The following CTNNA3 variants were observed in gnomAD, a reference collection of about 807,000 sequenced individuals.
CTNNA3 encodes the protein catenin alpha-3.
Under a neutral mutation model 95.7 loss-of-function variants are expected in CTNNA3, and 76 were observed. That is an observed-to-expected ratio of 0.79 (90% CI 0.66 to 0.96). The LOEUF (loss-of-function observed/expected upper bound fraction) is 0.96, where lower values mean the gene tolerates loss of function less well. Ranked by LOEUF, CTNNA3 falls within the 40% of genes least tolerant of loss-of-function variation. CTNNA3 has a pLI of 0.00. For synonymous variants in CTNNA3, 431 were observed against 374.4 expected (o/e 1.15, Z -1.74); for missense variants, 1,191 against 1,089.8 (o/e 1.09, Z -1.31).
chr10:67,691,566 C>T (rs188630402), intron 1 of CTNNA3, among the ~76,000 whole-genome samples: 6,395 of 150,774 alleles, frequency 0.042, 441 homozygotes, highest in African/African-American at 0.15. Flanking sequence ...ATGTGAGGAG[C>T]GTCTCTGCCC....
chr10:67,449,185 CA>C (rs1344892435), intron 5 of CTNNA3, among the ~76,000 whole-genome samples: 1 of 151,884 alleles, frequency 6.6e-6, no homozygotes, highest in Non-Finnish European at 1.5e-5. Flanking sequence ...TGTGAGAAAA[CA>C]GAAACAAATG....
rs2135732 is a variant in CTNNA3 at position 66,325,219 on chromosome 10, A to T, written c.1733-44598T>A. On this transcript the variant is annotated intron_variant, in intron 12 of 17. Coordinates refer to ENST00000433211, the MANE Select transcript of CTNNA3 (RefSeq NM_013266.4). The stretch of plus-strand genomic sequence containing the variant: ...GTAGTCCCTCAGCTACATGCTTATC[A>T]GTTTTTGTTTAGTATTGACTGTTTT... 4.5e-3 allele frequency among the ~76,000 whole-genome samples: 678 copies of T among 152,084 alleles called. 4 individuals carry two copies. Among genetic ancestry groups the T allele is most frequent in the African/African-American group, 0.015 (635 of 41,508 alleles).
intron 5 of CTNNA3, 122 bp from the exon 6 acceptor site, chr10:67,219,992 T>G (rs1864578104): frequency 6.7e-6 from 5 of 749,646 alleles, no homozygotes; most frequent in Non-Finnish European, 1.1e-5. Flanking sequence ...AAGTCAGCTA[T>G]AAGTTATAAT....
At chr10:66,523,327 T>C (rs1409592437) in intron 10 of CTNNA3, among the ~76,000 whole-genome samples, 1 of 152,212 alleles carries the variant, frequency 6.6e-6, no homozygotes, top group African/African-American at 2.4e-5. Context: ...GGCTACATTT[T>C]ATAAGAATAT....
chr10:66,191,270 G>C (rs995461959), intron 13 of CTNNA3, among the ~76,000 whole-genome samples: 1 of 151,994 alleles, frequency 6.6e-6, no homozygotes, highest in African/African-American at 2.4e-5. Context: ...AGAAATAAGG[G>C]TCTCCAGGAA....
chr10:66,510,966 T>C (rs934124769), intron 11 of CTNNA3, among the ~76,000 whole-genome samples: 2 of 151,854 alleles, frequency 1.3e-5, no homozygotes, highest in Admixed American at 6.6e-5. Context: ...GAAAAAATGG[T>C]GTTAGTTATT....
intron 7 of CTNNA3, among the ~76,000 whole-genome samples, chr10:67,034,387 G>T (rs1853915072): frequency 6.6e-6 from 1 of 152,142 alleles, no homozygotes; most frequent in Admixed American, 6.5e-5. Context: ...AAAATGTTCT[G>T]GTTGCCCTCA....
At chr10:67,169,989 C>G (rs1429562508) in intron 7 of CTNNA3, among the ~76,000 whole-genome samples, 1 of 152,114 alleles carries the variant, frequency 6.6e-6, no homozygotes, top group African/African-American at 2.4e-5. Flanking sequence ...CAAAAGAAGA[C>G]ATAGATGTGG....
chr10:67,231,690 G>A (rs953481019), intron 5 of CTNNA3, among the ~76,000 whole-genome samples: 8 of 148,460 alleles, frequency 5.4e-5, no homozygotes, highest in African/African-American at 2.4e-5. Context: ...AGAGAAGAAG[G>A]CTTCAGACGA....
chr10:66,367,880 AATTATTATTATTATTATTATTATTATT>A (rs200238646), intron 12 of CTNNA3, among the ~76,000 whole-genome samples: 875 of 47,156 alleles, frequency 0.019, 6 homozygotes, highest in East Asian at 0.071. Context: ...TAATAATAAT[AATTATTATTATTATTATTATTATTATT>A]ATTATTATTA....
intron 7 of CTNNA3, among the ~76,000 whole-genome samples, chr10:67,101,339 G>A (rs1347947914): frequency 4.6e-5 from 7 of 151,612 alleles, no homozygotes; most frequent in Admixed American, 2.6e-4. Flanking sequence ...TGTTCAATTC[G>A]GAGCTAATTG....
chr10:67,245,189 C>T lies in CTNNA3; in HGVS notation c.580-25319G>A, dbSNP rs138963236. Among the ~76,000 whole-genome samples, 1,052 of 152,204 alleles carry T rather than the reference C, an allele frequency of 6.9e-3. 9 individuals are homozygous for T. The highest frequency in any genetic ancestry group is 0.019 in the African/African-American group (801 of 41,530). On this transcript the variant is annotated intron_variant, in intron 5 of 17. Coordinates refer to ENST00000433211, the MANE Select transcript of CTNNA3 (RefSeq NM_013266.4). The stretch of plus-strand genomic sequence containing the variant: ...CACATCCCTACATTAGGCCTTCCCA[C>T]GGCCGGCATGCTCTTCTAGATCCAT...
chr10:67,646,356 AGACG>A (rs1207504694), intron 2 of CTNNA3, among the ~76,000 whole-genome samples: 2 of 151,620 alleles, frequency 1.3e-5, no homozygotes, highest in Non-Finnish European at 1.5e-5. Context: ...TGAGTGGCTA[AGACG>A]GACTTTAATG....
intron 12 of CTNNA3, among the ~76,000 whole-genome samples, chr10:66,313,726 T>G (rs2092057844): frequency 6.6e-6 from 1 of 152,152 alleles, no homozygotes; most frequent in East Asian, 1.9e-4. Flanking sequence ...GCAATTGCCA[T>G]GACAATGACA....
intron 1 of CTNNA3, among the ~76,000 whole-genome samples, chr10:67,743,182 T>G (rs1490600749): frequency 1.3e-5 from 2 of 151,194 alleles, no homozygotes; most frequent in African/African-American, 2.4e-5. Context: ...TACCAAAGCC[T>G]GGCAGAGACA....
At chr10:67,597,987 A>G (rs1369252230) in intron 3 of CTNNA3, among the ~76,000 whole-genome samples, 1 of 152,180 alleles carries the variant, frequency 6.6e-6, no homozygotes, top group Non-Finnish European at 1.5e-5. Flanking sequence ...TGGGCGTCTG[A>G]GGCTGTACTG....
At chr10:67,075,718 T>G (rs1201296629) in intron 7 of CTNNA3, among the ~76,000 whole-genome samples, 1 of 152,216 alleles carries the variant, frequency 6.6e-6, no homozygotes, top group Non-Finnish European at 1.5e-5. Context: ...TGAACTGAAC[T>G]GTGGGTTCAC....
At chr10:66,625,586 G>A (rs1312667956) in intron 9 of CTNNA3, among the ~76,000 whole-genome samples, 2 of 151,852 alleles carry the variant, frequency 1.3e-5, no homozygotes, top group African/African-American at 4.8e-5. Context: ...ACGGGGTTTC[G>A]CCATGTTGGC....
intron 17 of CTNNA3, among the ~76,000 whole-genome samples, chr10:65,931,914 A>T (rs2133146011): frequency 6.6e-6 from 1 of 152,318 alleles, no homozygotes; most frequent in Non-Finnish European, 1.5e-5. Context: ...GTAGGCATCT[A>T]AACTAATCCC....
Sources: allele counts gnomAD v4.1 joint callset (sites outside exome capture counted in the v4.1 genomes callset), GRCh38; gene constraint gnomAD v4.1.1; transcripts MANE v1.5; gene names NCBI Gene and HGNC (gene_info 2026-07-23, HGNC 2026-07-21).